MCF2L2: variants seen among roughly 807,000 people sequenced by gnomAD.
MCF2L2 encodes MCF.2 cell line derived transforming sequence-like 2.
In MCF2L2, 102 loss-of-function variants were observed where a neutral mutation model predicts 150.2. That is an observed-to-expected ratio of 0.68 (90% CI 0.58 to 0.80). The LOEUF is 0.80. Among genes scored for constraint, MCF2L2 ranks in the 30% least tolerant of loss-of-function variants. MCF2L2 has a pLI of 0.00. For missense variants in MCF2L2, 1,256 were observed against 1,372.8 expected (o/e 0.91, Z 1.34); for synonymous variants, 465 against 491.3 (o/e 0.95, Z 0.71).
chr3:183,289,072 C>T (rs982767111), intron 14 of MCF2L2, 48 bp downstream of exon 14: 1 of 1,260,074 alleles, frequency 7.9e-7, no homozygotes, highest in African/African-American at 1.5e-5. Flanking sequence ...TGACAGCAAT[C>T]TTCCCTCTTG....
At chr3:183,304,410 C>A (rs907462190) in intron 10 of MCF2L2, among the ~76,000 whole-genome samples, 3 of 151,356 alleles carry the variant, frequency 2.0e-5, no homozygotes, top group African/African-American at 7.3e-5. Context: ...GGCCCAGGTG[C>A]ACTGGTTACC....
Position 183,323,245 on chromosome 3 carries a change from T to C in MCF2L2, c.593A>G (p.Asn198Ser). 1 of 1,610,492 alleles carries C rather than the reference T, an allele frequency of 6.2e-7. No homozygotes were observed. The highest frequency in any genetic ancestry group is 1.1e-5 in the South Asian group (1 of 90,866). Residue 198 changes from asparagine to serine, a missense_variant, in exon 6 of 30, where the codon AAT becomes AGT. Physicochemically the swap from Asn to Ser is conservative, Grantham distance 46. Transcript: ENST00000328913. Reference sequence around the variant, plus strand: ...TAAGCTGGTACTCACAGTGCGGTGATTTACCCACTGACCGTGGCGATATTC... The same window carrying C: ...TAAGCTGGTACTCACAGTGCGGTGACTTACCCACTGACCGTGGCGATATTC... The part of the protein sequence containing the change: ...TLEYRHGQWV[N>S]HRTAIENFAL...
intron 1 of MCF2L2, among the ~76,000 whole-genome samples, chr3:183,408,048 A>G (rs1182660800): frequency 6.6e-6 from 1 of 152,194 alleles, no homozygotes; most frequent in Non-Finnish European, 1.5e-5. Context: ...GCTCCATTTC[A>G]AAGTGTCTGT....
rs772646080 is a variant in MCF2L2, at chr3:183,296,929, C to T, written c.1497+47G>A. 4 of 1,575,168 alleles carry T rather than the reference C, an allele frequency of 2.5e-6. No homozygotes were observed. The Admixed American group carries it at 5.1e-5, about 20-fold the overall frequency. On this transcript the variant is annotated intron_variant, in intron 12 of 29. Transcript: ENST00000328913. ...GGAAGAAGGTACAGTCCCTCCCTCC[C>T]CTATCCGTTTCCCAACCACAGGATC... is the stretch of plus-strand genomic sequence containing the variant.
At chr3:183,349,065 T>C (rs1233353323) in intron 3 of MCF2L2, among the ~76,000 whole-genome samples, 1 of 152,204 alleles carries the variant, frequency 6.6e-6, no homozygotes, top group African/African-American at 2.4e-5. Context: ...AGATAGACCA[T>C]TGTCTGGGTC....
Position 183,207,762 on chromosome 3 carries a change from T to C in MCF2L2, c.2558A>G (p.His853Arg). Residue 853 changes from histidine (H) to arginine (R), a missense_variant, in exon 23 of 30, where the codon CAC (histidine) becomes CGC (arginine). Physicochemically the swap from His to Arg is conservative, Grantham distance 29 (BLOSUM62 0). Coordinates refer to ENST00000328913, the MANE Select transcript of MCF2L2 (RefSeq NM_015078.4). Reference protein sequence around the residue: ...LHGPFSVWTIHKDRYKMKDLI... With the variant: ...LHGPFSVWTIRKDRYKMKDLI... Reference sequence around the variant, plus strand: ...ATCCTTCATTTTATAACGATCCTTGTGAATTGTCCAGACGCTGAAAGGGCC... The same window carrying C: ...ATCCTTCATTTTATAACGATCCTTGCGAATTGTCCAGACGCTGAAAGGGCC... The C allele has an allele frequency of 1.2e-6, 2 of 1,614,232 alleles. No individual in the cohort carries two copies. Among genetic ancestry groups the C allele is most frequent in the Non-Finnish European group, 1.7e-6 (2 of 1,180,040 alleles).
intron 3 of MCF2L2, among the ~76,000 whole-genome samples, chr3:183,345,821 A>T (rs960619431): frequency 6.6e-6 from 1 of 152,234 alleles, no homozygotes; most frequent in Non-Finnish European, 1.5e-5. Flanking sequence ...AAAATCTAGA[A>T]GAAACGGATA....
chr3:183,384,577 G>A (rs534536060), intron 2 of MCF2L2, among the ~76,000 whole-genome samples: 6 of 152,022 alleles, frequency 3.9e-5, no homozygotes, highest in African/African-American at 7.3e-5. Context: ...AGACAGGTCC[G>A]ACTCCCTGTG....
At chr3:183,218,223 C>G (rs1723015331) in intron 21 of MCF2L2, among the ~76,000 whole-genome samples, 2 of 152,230 alleles carry the variant, frequency 1.3e-5, no homozygotes, top group Non-Finnish European at 2.9e-5. Context: ...GATCGTGCTG[C>G]TGCCTCTGAA....
intron 18 of MCF2L2, 192 bp downstream of exon 18, chr3:183,228,105 A>G: frequency 1.8e-6 from 1 of 560,846 alleles, no homozygotes; most frequent in Middle Eastern, 2.7e-4. Context: ...GGGTGTAAGT[A>G]TATCAAACCA....
At chr3:183,377,907 A>T (rs895347997) in intron 3 of MCF2L2, 1 of 152,202 alleles carries the variant, frequency 6.6e-6, no homozygotes, top group Non-Finnish European at 1.5e-5. Flanking sequence ...GGCATATGGC[A>T]GTGGCAGGGA....
intron 7 of MCF2L2, among the ~76,000 whole-genome samples, 176 bp downstream of exon 7, chr3:183,317,892 A>G (rs1729663295): frequency 6.6e-6 from 1 of 152,134 alleles, no homozygotes; most frequent in African/African-American, 2.4e-5. Flanking sequence ...GTCTCAAGAG[A>G]TTTCTTTCAT....
In MCF2L2 at chr3:183,270,587, T is replaced by C. The variant is rs754881748; in HGVS notation, c.1862+6285A>G. ...GAGCTGCCTATGTAATCTCCGGTGA[T>C]GTAGCTGCCAAAGTCTATGAGGCAT... On this transcript the variant is annotated intron_variant, in intron 15 of 29. Coordinates refer to ENST00000328913, the MANE Select transcript of MCF2L2 (RefSeq NM_015078.4). This position sits in a 1 kb window ranked among gnomAD's most constrained non-coding sequence, Gnocchi z 4.5. 1 of 1,614,212 alleles carries C rather than the reference T, an allele frequency of 6.2e-7. No individual in the cohort carries two copies.
intron 1 of MCF2L2, among the ~76,000 whole-genome samples, chr3:183,416,003 TTGA>T (rs1715569568): frequency 6.6e-6 from 1 of 152,130 alleles, no homozygotes; most frequent in Non-Finnish European, 1.5e-5. Context: ...TTTAATTCCT[TTGA>T]TAATATTTTC....
At chr3:183,202,502 C>T (rs529151392) in intron 25 of MCF2L2, among the ~76,000 whole-genome samples, 1 of 152,340 alleles carries the variant, frequency 6.6e-6, no homozygotes, top group East Asian at 1.9e-4. Context: ...TCTTGATGAT[C>T]TGCACAAACA....
intron 1 of MCF2L2, among the ~76,000 whole-genome samples, chr3:183,423,776 T>A (rs1716017660): frequency 6.6e-6 from 1 of 151,878 alleles, no homozygotes; most frequent in Admixed American, 6.6e-5. Flanking sequence ...GTAGCTGGGA[T>A]TACAGGCATG....
chr3:183,424,254 C>T (rs1716048213), intron 1 of MCF2L2, among the ~76,000 whole-genome samples: 2 of 152,154 alleles, frequency 1.3e-5, no homozygotes, highest in African/African-American at 4.8e-5. Context: ...CATGTGTTCA[C>T]ATGTGAACTG....
intron 1 of MCF2L2, among the ~76,000 whole-genome samples, chr3:183,425,139 G>T (rs1716094220): frequency 1.3e-5 from 2 of 152,140 alleles, no homozygotes; most frequent in Admixed American, 1.3e-4. Context: ...TCCTGAAGTA[G>T]GATTGAGGCA....
At position 183,309,678 on chromosome 3, in the gene MCF2L2, A is replaced by G. The variant is rs1729271129; in HGVS notation, c.1113+38T>C. 1.9e-6 allele frequency: 3 copies of G among 1,613,258 alleles called. No homozygotes were observed. In the African/African-American group the frequency reaches 4.0e-5, roughly 22 times the overall value. On this transcript the variant is annotated intron_variant, in intron 10 of 29. Transcript: ENST00000328913. ...ACATGATCCATCATTGTCCACAGCA[A>G]CCTCCCTCCCAGTACACAAAAATGT...
Sources: gnomAD v4.1 joint callset for allele counts (sites outside exome capture counted in the v4.1 genomes callset) on GRCh38, gnomAD v4.1.1 for gene constraint, Gnocchi (gnomAD v3.1) non-coding constraint, MANE v1.5 for transcripts, NCBI Gene and HGNC (gene_info 2026-07-23, HGNC 2026-07-21) for gene names.